LPP: variants seen among roughly 807,000 people sequenced by gnomAD.
LPP encodes LIM domain containing preferred translocation partner in lipoma, also known as lipoma-preferred partner.
LPP carries 38 observed loss-of-function variants against 60.4 expected under a neutral mutation model. The ratio of observed to expected loss-of-function variants is 0.63; its 90% CI spans 0.49 to 0.83. LPP has a LOEUF of 0.83. LPP is among the 40% of genes least tolerant of loss of function. The probability of loss-of-function intolerance (pLI) is 0.00; values close to 1 mark genes in which losing one functional copy is unlikely to be tolerated. For missense variants in LPP, 902 were observed against 783.6 expected (o/e 1.15, Z -1.80); for synonymous variants, 328 against 290.8 (o/e 1.13, Z -1.30).
At chr3:188,318,008 C>CGG (rs1755621512) in intron 2 of LPP, among the ~76,000 whole-genome samples, 1 of 152,126 alleles carries the variant, frequency 6.6e-6, no homozygotes, top group African/African-American at 2.4e-5. Flanking sequence ...CAGGCAGACA[C>CGG]AAATAGAGAG....
chr3:188,424,124 A>G (rs1207863518), intron 4 of LPP, among the ~76,000 whole-genome samples: 1 of 151,962 alleles, frequency 6.6e-6, no homozygotes, highest in East Asian at 1.9e-4. Context: ...TCTTGAGTTG[A>G]TTTTTGTATA....
intron 7 of LPP, among the ~76,000 whole-genome samples, chr3:188,630,029 G>A (rs191659789): frequency 2.0e-5 from 3 of 152,032 alleles, no homozygotes; most frequent in African/African-American, 7.2e-5. Context: ...AGAAAACCTA[G>A]GAAATTATAT....
chr3:188,642,420 T>G (rs1321607834), intron 7 of LPP, among the ~76,000 whole-genome samples: 1 of 152,212 alleles, frequency 6.6e-6, no homozygotes, highest in African/African-American at 2.4e-5. Flanking sequence ...AGTCAACAAC[T>G]TTCCTGAAGC....
intron 6 of LPP, among the ~76,000 whole-genome samples, chr3:188,596,319 G>A (rs1580261140): frequency 1.3e-5 from 2 of 152,130 alleles, no homozygotes; most frequent in Non-Finnish European, 2.9e-5. Flanking sequence ...ATAAAGGGAT[G>A]TGTACAGGTT....
At chr3:188,175,290 T>C (rs1348920134) in intron 1 of LPP, among the ~76,000 whole-genome samples, 1 of 152,092 alleles carries the variant, frequency 6.6e-6, no homozygotes, top group African/African-American at 2.4e-5. Context: ...CATTTTGCCA[T>C]GTTGCCCAGG....
At chr3:188,833,865 C>T (rs1757688233) in intron 9 of LPP, among the ~76,000 whole-genome samples, 1 of 152,098 alleles carries the variant, frequency 6.6e-6, no homozygotes, top group Non-Finnish European at 1.5e-5. Context: ...TTTGATTCTC[C>T]TCATTTGGAA....
intron 6 of LPP, among the ~76,000 whole-genome samples, chr3:188,600,728 T>C (rs1840981556): frequency 6.6e-6 from 1 of 152,142 alleles, no homozygotes; most frequent in African/African-American, 2.4e-5. Context: ...TCCCATCCCA[T>C]GGCAATCACC....
At chr3:188,781,491 G>A (rs879575791) in intron 9 of LPP, among the ~76,000 whole-genome samples, 3 of 152,098 alleles carry the variant, frequency 2.0e-5, no homozygotes, top group Non-Finnish European at 4.4e-5. Context: ...CGGCTGGGGA[G>A]GCGTCAGGAA....
chr3:188,285,988 CCTT>C (rs1560201008), intron 2 of LPP, among the ~76,000 whole-genome samples: 1 of 152,040 alleles, frequency 6.6e-6, no homozygotes, highest in African/African-American at 2.4e-5. Context: ...CTTTTTTCTC[CCTT>C]CTTCTGGTGG....
intron 7 of LPP, among the ~76,000 whole-genome samples, chr3:188,704,487 C>T (rs1200549655): frequency 1.3e-5 from 2 of 152,134 alleles, no homozygotes; most frequent in Non-Finnish European, 2.9e-5. Context: ...TGTCTCTAAC[C>T]TTAATGATAC....
intron 2 of LPP, among the ~76,000 whole-genome samples, chr3:188,325,433 C>G (rs1003290692): frequency 3.3e-5 from 5 of 152,108 alleles, no homozygotes; most frequent in African/African-American, 1.2e-4. Context: ...CAAGGCTTAG[C>G]TCAAATGTTA....
intron 2 of LPP, among the ~76,000 whole-genome samples, chr3:188,311,935 G>C (rs895071578): frequency 6.6e-6 from 1 of 151,960 alleles, no homozygotes; most frequent in East Asian, 1.9e-4. Flanking sequence ...CACCGCACCA[G>C]GCCTTTCCAA....
At chr3:188,333,589 T>C (rs1760741630) in intron 2 of LPP, among the ~76,000 whole-genome samples, 1 of 152,234 alleles carries the variant, frequency 6.6e-6, no homozygotes, top group Non-Finnish European at 1.5e-5. Flanking sequence ...GCTTAATTAG[T>C]TAATTCTTAC....
chr3:188,226,490 T>C (rs73057637), intron 2 of LPP, among the ~76,000 whole-genome samples: 2,827 of 152,284 alleles, frequency 0.019, 76 homozygotes, highest in African/African-American at 0.062. Context: ...TGTGTTTTGG[T>C]GTACCTCTGT....
At chr3:188,574,832 A>G (rs1323313998) in intron 6 of LPP, among the ~76,000 whole-genome samples, 1 of 151,812 alleles carries the variant, frequency 6.6e-6, no homozygotes, top group African/African-American at 2.4e-5. Context: ...TAAAAGTGAT[A>G]CCCTCCTCCT....
chr3:188,693,269 A>G (rs1862505164), intron 7 of LPP, among the ~76,000 whole-genome samples: 1 of 152,190 alleles, frequency 6.6e-6, no homozygotes, highest in African/African-American at 2.4e-5. Context: ...TGGGCAGGTA[A>G]TTTAACTTCA....
At chr3:188,292,530 G>A (rs1214014161) in intron 2 of LPP, among the ~76,000 whole-genome samples, 2 of 152,176 alleles carry the variant, frequency 1.3e-5, no homozygotes, top group African/African-American at 2.4e-5. Flanking sequence ...TAAGTTTCCT[G>A]ATGACTTAAG....
chr3:188,593,451 TA>T (rs1169288504), intron 6 of LPP, among the ~76,000 whole-genome samples: 1 of 152,192 alleles, frequency 6.6e-6, no homozygotes, highest in Non-Finnish European at 1.5e-5. Flanking sequence ...TTTTTAATTT[TA>T]TTTTTCCCTA....
chr3:188,389,690 C>T (rs948574938), intron 3 of LPP, among the ~76,000 whole-genome samples: 1 of 139,496 alleles, frequency 7.2e-6, no homozygotes, highest in Non-Finnish European at 1.5e-5. Context: ...GCAGGAGAAT[C>T]ACTTGAACCC....
Sources: allele counts gnomAD v4.1 joint callset (sites outside exome capture counted in the v4.1 genomes callset), GRCh38; gene constraint gnomAD v4.1.1; transcripts MANE v1.5; gene names NCBI Gene and HGNC (gene_info 2026-07-23, HGNC 2026-07-21).